PRKN: variants seen among roughly 807,000 people sequenced by gnomAD.
PRKN encodes E3 ubiquitin-protein ligase parkin.
Under a neutral mutation model 59.5 loss-of-function variants are expected in PRKN, and 56 were observed. The ratio of observed to expected loss-of-function variants is 0.94; its 90% CI spans 0.76 to 1.18. The LOEUF (loss-of-function observed/expected upper bound fraction) is 1.18, where lower values mean the gene tolerates loss of function less well. PRKN is among the 50% of genes most tolerant of loss of function. PRKN has a pLI of 0.00. For missense variants in PRKN, 657 were observed against 596.4 expected (o/e 1.10, Z -1.06); for synonymous variants, 250 against 222.1 (o/e 1.13, Z -1.12).
At chr6:162,488,027 C>CTTTTTTTGTTT (rs1562323928) in intron 1 of PRKN, among the ~76,000 whole-genome samples, 3 of 109,772 alleles carry the variant, frequency 2.7e-5, no homozygotes, top group Non-Finnish European at 3.8e-5. Context: ...CACCATTTCC[C>CTTTTTTTGTTT]TTTTTTTTTT....
rs1251498318 is a variant in PRKN at position 161,874,944 on chromosome 6, T to A, written c.735-89036A>T. Among the ~76,000 whole-genome samples the A allele has an allele frequency of 1.8e-4, 15 of 85,692 alleles. 2 individuals are homozygous for A. Among genetic ancestry groups the A allele is most frequent in the African/African-American group, 9.0e-4 (14 of 15,626 alleles). The allele number at this position is 85,692 out of a possible 152,430, so 56.2% of individuals were successfully genotyped here. ...AAAATATAAAATATAATATAATATA[T>A]TATAGGTACTTTATATATAATATAT... On this transcript the variant is annotated intron_variant, in intron 6 of 11. Coordinates refer to ENST00000366898, the MANE Select transcript of PRKN (RefSeq NM_004562.3).
In PRKN at chr6:161,429,420, C is replaced by T. The variant is rs1387710723; in HGVS notation, c.1084-42543G>A. On this transcript the variant is annotated intron_variant, in intron 9 of 11. Transcript: ENST00000366898. The surrounding 1 kb of genome is among the most constrained non-coding windows in gnomAD (Gnocchi z 4.2). ...CTCTATGTGTGGGAAAACAGGCAAC[C>T]TGGGGAGCCATGGTTAAGAGGGACG... 6.6e-6 allele frequency among the ~76,000 whole-genome samples: 1 copy of T among 152,152 alleles called. No homozygotes were observed. The highest frequency in any genetic ancestry group is 1.9e-4 in the East Asian group (1 of 5,194).
chr6:162,117,327 T>G (rs1780715802), intron 4 of PRKN, among the ~76,000 whole-genome samples: 1 of 152,356 alleles, frequency 6.6e-6, no homozygotes, highest in Non-Finnish European at 1.5e-5. Context: ...GTCTGACATA[T>G]GCTTGCAGTC....
At chr6:162,571,703 G>T (rs1350070854) in intron 1 of PRKN, among the ~76,000 whole-genome samples, 1 of 152,154 alleles carries the variant, frequency 6.6e-6, no homozygotes, top group South Asian at 2.1e-4. Context: ...GGAGCAAGGT[G>T]CCTGAGCTGG....
chr6:162,194,585 A>C (rs1373759539), intron 4 of PRKN, among the ~76,000 whole-genome samples: 1 of 152,152 alleles, frequency 6.6e-6, no homozygotes, highest in Non-Finnish European at 1.5e-5. Flanking sequence ...AGACCCCTTT[A>C]CATATATATT....
At chr6:161,900,926 A>ATTTTT (rs199852188) in intron 6 of PRKN, among the ~76,000 whole-genome samples, 2 of 83,556 alleles carry the variant, frequency 2.4e-5, no homozygotes, top group African/African-American at 3.7e-5. Flanking sequence ...ATATATATAT[A>ATTTTT]TATTTTTTAG....
At position 161,562,350 on chromosome 6, in the gene PRKN, G is replaced by C. The variant is rs1227077341; in HGVS notation, c.933+7005C>G. 1.3e-5 allele frequency among the ~76,000 whole-genome samples: 2 copies of C among 152,172 alleles called. No homozygotes were observed. The highest frequency in any genetic ancestry group is 4.8e-5 in the African/African-American group (2 of 41,438). On this transcript the variant is annotated intron_variant, in intron 8 of 11. Transcript: ENST00000366898. The surrounding 1 kb of genome is among the most constrained non-coding windows in gnomAD (Gnocchi z 4.3). ...GCTTCCTCAACACCATATGGCCCTG[G>C]ATTGTCTTCTACTTTCCTTGAGGTT...
chr6:161,873,945 G>C (rs1348777019), intron 6 of PRKN, among the ~76,000 whole-genome samples: 1 of 95,374 alleles, frequency 1.0e-5, no homozygotes, highest in Non-Finnish European at 1.9e-5. Context: ...ATATATAAAA[G>C]AAATATATAT....
chr6:161,360,056 A>G lies in PRKN; in HGVS notation c.1285+32T>C, dbSNP rs772055546. 1 of 1,459,596 alleles carries G rather than the reference A, an allele frequency of 6.9e-7. No individual in the cohort carries two copies. The highest frequency in any genetic ancestry group is 1.4e-5 in the African/African-American group (1 of 72,084). The allele number at this position is 1,459,596 out of a possible 1,614,324, so 90.4% of individuals were successfully genotyped here. ...ATGATTCTCCCCCAAAGAGCACACG[A>G]CATCCTCATTCTCTGCTCAGCACAG... is the stretch of plus-strand genomic sequence containing the variant. On this transcript the variant is annotated intron_variant, in intron 11 of 11. Coordinates refer to ENST00000366898, the MANE Select transcript of PRKN (RefSeq NM_004562.3). The surrounding 1 kb of genome is among the most constrained non-coding windows in gnomAD (Gnocchi z 5.1).
At chr6:161,520,717 C>T (rs1399590441) in intron 9 of PRKN, among the ~76,000 whole-genome samples, 2 of 152,162 alleles carry the variant, frequency 1.3e-5, no homozygotes, top group Non-Finnish European at 2.9e-5. Context: ...CATGAATCTA[C>T]AGATGAATCT....
chr6:162,712,215 G>A (rs2128238878), intron 1 of PRKN, among the ~76,000 whole-genome samples: 1 of 152,266 alleles, frequency 6.6e-6, no homozygotes, highest in East Asian at 1.9e-4. Flanking sequence ...TGCATGTCTT[G>A]TTGGGATACC....
At chr6:162,176,073 C>T (rs1003112286) in intron 4 of PRKN, among the ~76,000 whole-genome samples, 1 of 152,174 alleles carries the variant, frequency 6.6e-6, no homozygotes, top group Admixed American at 6.5e-5. Context: ...ACCCTTCGCT[C>T]TCAATTAAAT....
At chr6:161,795,790 T>C (rs569160333) in intron 6 of PRKN, among the ~76,000 whole-genome samples, 2 of 151,976 alleles carry the variant, frequency 1.3e-5, no homozygotes, top group East Asian at 3.9e-4. Flanking sequence ...AAATACAAAC[T>C]AAGGCCGAAA....
At chr6:161,521,778 T>C (rs910499522) in intron 9 of PRKN, among the ~76,000 whole-genome samples, 2 of 152,152 alleles carry the variant, frequency 1.3e-5, no homozygotes, top group Non-Finnish European at 2.9e-5. Flanking sequence ...ACTGGGGCCA[T>C]AAACAGCTTT....
intron 5 of PRKN, among the ~76,000 whole-genome samples, chr6:162,036,101 G>A (rs1243356708): frequency 6.6e-6 from 1 of 151,876 alleles, no homozygotes; most frequent in Non-Finnish European, 1.5e-5. Context: ...GAGGCGGGCG[G>A]ATCACGAGGT....
At chr6:162,139,963 G>A (rs1489326506) in intron 4 of PRKN, among the ~76,000 whole-genome samples, 2 of 151,910 alleles carry the variant, frequency 1.3e-5, no homozygotes, top group African/African-American at 4.8e-5. Context: ...CCAAATATAG[G>A]AAAGTCCATT....
intron 4 of PRKN, among the ~76,000 whole-genome samples, chr6:162,115,388 T>G (rs1780625233): frequency 6.6e-6 from 1 of 151,922 alleles, no homozygotes; most frequent in South Asian, 2.1e-4. Context: ...GAAATATACC[T>G]AATGCTAGAT....
intron 3 of PRKN, among the ~76,000 whole-genome samples, chr6:162,237,750 G>T (rs1562604247): frequency 6.6e-6 from 1 of 151,726 alleles, no homozygotes; most frequent in East Asian, 1.9e-4. Flanking sequence ...AACATGAACT[G>T]TCATAAATGC....
At chr6:162,328,309 C>T (rs1364441893) in intron 2 of PRKN, among the ~76,000 whole-genome samples, 6 of 151,984 alleles carry the variant, frequency 3.9e-5, no homozygotes, top group Non-Finnish European at 5.9e-5. Context: ...GAGGCTGCAG[C>T]GAGCCGAGAT....
Sources: allele counts gnomAD v4.1 joint callset (sites outside exome capture counted in the v4.1 genomes callset), GRCh38; gene constraint gnomAD v4.1.1; non-coding constraint Gnocchi (gnomAD v3.1); transcripts MANE v1.5; gene names NCBI Gene and HGNC (gene_info 2026-07-23, HGNC 2026-07-21).